LHFPL3: variants seen among roughly 807,000 people sequenced by gnomAD.
LHFPL3 encodes the protein LHFPL tetraspan subfamily member 3 protein.
A neutral mutation model predicts 19.3 loss-of-function variants in LHFPL3; 5 were observed. The observed-to-expected ratio is 0.26, with a 90% confidence interval of 0.14 to 0.54. The LOEUF (loss-of-function observed/expected upper bound fraction) is 0.54, where lower values mean the gene tolerates loss of function less well. Among genes scored for constraint, LHFPL3 ranks in the 20% least tolerant of loss-of-function variants. LHFPL3 has a pLI of 0.94. For missense variants in LHFPL3, 249 were observed against 307.4 expected, an observed-to-expected ratio of 0.81 and a Z score of 1.42; for synonymous variants, 133 against 126.2, an observed-to-expected ratio of 1.05 and a Z score of -0.36.
chr7:104,475,498 T>C (rs1448743521), intron 1 of LHFPL3, among the ~76,000 whole-genome samples: 4 of 152,160 alleles, frequency 2.6e-5, no homozygotes, highest in Non-Finnish European at 4.4e-5. Flanking sequence ...TTCACACTTA[T>C]AAGATGAAAA....
chr7:104,544,589 G>C (rs987799270), intron 1 of LHFPL3, among the ~76,000 whole-genome samples: 2 of 152,162 alleles, frequency 1.3e-5, no homozygotes, highest in Non-Finnish European at 2.9e-5. Flanking sequence ...TTGAGCAGTG[G>C]TGGTGAGTGT....
At chr7:104,519,915 C>T (rs1794014108) in intron 1 of LHFPL3, among the ~76,000 whole-genome samples, 1 of 151,732 alleles carries the variant, frequency 6.6e-6, no homozygotes, top group Non-Finnish European at 1.5e-5. Flanking sequence ...GGAATTTATC[C>T]TGCCTATTTC....
At chr7:104,372,634 A>T (rs1790637125) in intron 1 of LHFPL3, among the ~76,000 whole-genome samples, 1 of 152,208 alleles carries the variant, frequency 6.6e-6, no homozygotes, top group Non-Finnish European at 1.5e-5. Context: ...AAGTAACTTT[A>T]TGTCACAGAA....
intron 1 of LHFPL3, among the ~76,000 whole-genome samples, chr7:104,502,204 G>C (rs537701969): frequency 3.9e-4 from 60 of 152,226 alleles, no homozygotes; most frequent in African/African-American, 1.3e-3. Context: ...ATAGCACATT[G>C]CTTTCTATGT....
In LHFPL3 at chr7:104,399,814, TG is replaced by T. The variant is rs1363401929; in HGVS notation, c.445+70592del. Among the ~76,000 whole-genome samples, 6 of 151,474 alleles carry T rather than the reference TG, an allele frequency of 4.0e-5. No individual in the cohort carries two copies. Among genetic ancestry groups the T allele is most frequent in the Admixed American group, 3.9e-4 (6 of 15,216 alleles). On this transcript the variant is annotated intron_variant, in intron 1 of 2. Transcript: ENST00000424859. This position sits in a 1 kb window ranked among gnomAD's most constrained non-coding sequence, Gnocchi z 4.4. The stretch of plus-strand genomic sequence containing the variant: ...TAAGGTAATTATGTTACCATGGAAG[TG>T]GCCCCAAAGAGTCATGTTGAGAGGG...
intron 1 of LHFPL3, among the ~76,000 whole-genome samples, chr7:104,453,019 A>G (rs1200837027): frequency 6.6e-6 from 1 of 152,236 alleles, no homozygotes; most frequent in Non-Finnish European, 1.5e-5. Context: ...GCTTATATAC[A>G]GAAAGAACAG....
rs557067832 is a variant in LHFPL3, at chr7:104,836,502, C to T, written c.683-69685C>T. 1.9e-4 allele frequency among the ~76,000 whole-genome samples: 29 copies of T among 152,270 alleles called. No individual in the cohort carries two copies. In the South Asian group the frequency reaches 5.6e-3, roughly 29 times the overall value. On this transcript the variant is annotated intron_variant, in intron 2 of 2. Coordinates refer to ENST00000424859, the MANE Select transcript of LHFPL3 (RefSeq NM_199000.3). Reference sequence around the variant, plus strand: ...GAAGAACTACCAAGATGCCATCAAACTCTCATCTAAAAAGCCTACTGTTCT... The same window carrying T: ...GAAGAACTACCAAGATGCCATCAAATTCTCATCTAAAAAGCCTACTGTTCT...
intron 1 of LHFPL3, among the ~76,000 whole-genome samples, chr7:104,702,015 A>G (rs562817532): frequency 6.6e-6 from 1 of 152,190 alleles, no homozygotes; most frequent in African/African-American, 2.4e-5. Context: ...TCCTAATGCT[A>G]TCCCTCCCCT....
chr7:104,818,496 G>A (rs1013193266), intron 2 of LHFPL3, among the ~76,000 whole-genome samples: 10 of 151,662 alleles, frequency 6.6e-5, no homozygotes, highest in Admixed American at 3.3e-4. Flanking sequence ...AGCAGAGATC[G>A]TGCCAAATAT....
At chr7:104,814,249 C>G (rs971036004) in intron 2 of LHFPL3, among the ~76,000 whole-genome samples, 2 of 152,098 alleles carry the variant, frequency 1.3e-5, no homozygotes, top group African/African-American at 4.8e-5. Context: ...CTGGTTGTCC[C>G]ATCATCTGCA....
At chr7:104,904,487 C>T (rs1278169903) in intron 2 of LHFPL3, among the ~76,000 whole-genome samples, 3 of 152,098 alleles carry the variant, frequency 2.0e-5, no homozygotes, top group Admixed American at 2.0e-4. Flanking sequence ...CCTGTCTCTA[C>T]TAAAAACACA....
intron 2 of LHFPL3, among the ~76,000 whole-genome samples, chr7:104,792,516 C>T (rs1790043016): frequency 6.6e-6 from 1 of 152,134 alleles, no homozygotes; most frequent in African/African-American, 2.4e-5. Context: ...CTTACAGTTC[C>T]TCGAGACTGC....
At chr7:104,719,551 A>G (rs1468301081) in intron 1 of LHFPL3, among the ~76,000 whole-genome samples, 1 of 152,230 alleles carries the variant, frequency 6.6e-6, no homozygotes, top group Non-Finnish European at 1.5e-5. Context: ...TCTTGGCACT[A>G]CGTGTAAAAT....
At chr7:104,716,001 C>T (rs1181628854) in intron 1 of LHFPL3, among the ~76,000 whole-genome samples, 1 of 152,084 alleles carries the variant, frequency 6.6e-6, no homozygotes, top group Non-Finnish European at 1.5e-5. Flanking sequence ...TAGAATTCAC[C>T]ACTGAACTGT....
chr7:104,447,838 G>A (rs1310444286), intron 1 of LHFPL3, among the ~76,000 whole-genome samples: 1 of 151,998 alleles, frequency 6.6e-6, no homozygotes, highest in Non-Finnish European at 1.5e-5. Flanking sequence ...CTATGGATCA[G>A]TCCATTTAAA....
At chr7:104,677,858 G>A (rs958668033) in intron 1 of LHFPL3, among the ~76,000 whole-genome samples, 1 of 152,196 alleles carries the variant, frequency 6.6e-6, no homozygotes, top group African/African-American at 2.4e-5. Context: ...AATAAACACT[G>A]TTCCTCCTAC....
At chr7:104,450,533 T>C (rs1318808679) in intron 1 of LHFPL3, among the ~76,000 whole-genome samples, 2 of 151,242 alleles carry the variant, frequency 1.3e-5, no homozygotes, top group African/African-American at 2.4e-5. Flanking sequence ...TGAGAACATA[T>C]GGACACAGGG....
At chr7:104,607,485 C>A (rs1317682726) in intron 1 of LHFPL3, among the ~76,000 whole-genome samples, 1 of 152,172 alleles carries the variant, frequency 6.6e-6, no homozygotes, top group Non-Finnish European at 1.5e-5. Flanking sequence ...CTACCAAAGG[C>A]TTTGCAAAGC....
At chr7:104,876,538 C>T (rs1189051483) in intron 2 of LHFPL3, among the ~76,000 whole-genome samples, 1 of 151,012 alleles carries the variant, frequency 6.6e-6, no homozygotes, top group Non-Finnish European at 1.5e-5. Flanking sequence ...CTCATCAACA[C>T]TGGCCATCAG....
Sources: allele counts gnomAD v4.1 joint callset (sites outside exome capture counted in the v4.1 genomes callset), GRCh38; gene constraint gnomAD v4.1.1; non-coding constraint Gnocchi (gnomAD v3.1); transcripts MANE v1.5; gene names NCBI Gene and HGNC (gene_info 2026-07-23, HGNC 2026-07-21).